Variants in RBFOX1 observed in about 807,000 individuals in gnomAD.
RBFOX1 encodes RNA binding fox-1 homolog 1, also known as RNA binding protein fox-1 homolog 1.
In RBFOX1, 8 loss-of-function variants were observed where a neutral mutation model predicts 57.7. The observed-to-expected ratio is 0.14, with a 90% CI of 0.08 to 0.25. The LOEUF is 0.25. RBFOX1 is among the 10% of genes least tolerant of loss of function. The pLI is 1.00. For missense variants in RBFOX1, 611 were observed against 548.5 expected, an observed-to-expected ratio of 1.11 and a Z score of -1.14; for synonymous variants, 326 against 222.4, an observed-to-expected ratio of 1.47 and a Z score of -4.15.
chr16:6,118,179 A>G (rs532981898), intron 1 of RBFOX1, among the ~76,000 whole-genome samples: 1 of 152,278 alleles, frequency 6.6e-6, no homozygotes, highest in African/African-American at 2.4e-5. Flanking sequence ...TAACTGAAAT[A>G]TATACTTCAT....
chr16:5,332,604 A>G (rs2151277229), intron 1 of RBFOX1, among the ~76,000 whole-genome samples: 1 of 145,428 alleles, frequency 6.9e-6, no homozygotes, highest in South Asian at 2.1e-4. Flanking sequence ...TAAGATTCAA[A>G]TAAATATATA....
intron 3 of RBFOX1, among the ~76,000 whole-genome samples, chr16:6,672,382 A>G (rs188153299): frequency 1.3e-5 from 2 of 151,364 alleles, no homozygotes; most frequent in East Asian, 1.9e-4. Flanking sequence ...AGAAAGAGAG[A>G]GAGAAGGAGA....
intron 2 of RBFOX1, among the ~76,000 whole-genome samples, chr16:6,474,457 C>A (rs1000695651): frequency 6.6e-6 from 1 of 152,160 alleles, no homozygotes; most frequent in Admixed American, 6.5e-5. Flanking sequence ...AGCTGTTGTT[C>A]AGGTAATTTA....
intron 2 of RBFOX1, among the ~76,000 whole-genome samples, chr16:6,572,657 A>G (rs750537218): frequency 1.4e-4 from 21 of 151,804 alleles, no homozygotes; most frequent in African/African-American, 3.6e-4. Flanking sequence ...CAGTGTCACT[A>G]TCTCAGCTCA....
intron 4 of RBFOX1, among the ~76,000 whole-genome samples, chr16:5,999,072 G>A (rs2060541101): frequency 6.6e-6 from 1 of 152,194 alleles, no homozygotes. Context: ...CAAGGAGCAT[G>A]ACAGAGTTGT....
chr16:6,967,158 C>G (rs1208425061), intron 3 of RBFOX1, among the ~76,000 whole-genome samples: 1 of 152,040 alleles, frequency 6.6e-6, no homozygotes, highest in Non-Finnish European at 1.5e-5. Context: ...ATCATCTATC[C>G]ATGTGTTTGT....
intron 4 of RBFOX1, among the ~76,000 whole-genome samples, chr16:5,879,694 A>G (rs1305468617): frequency 6.6e-6 from 1 of 152,206 alleles, no homozygotes; most frequent in African/African-American, 2.4e-5. Context: ...CAAGTTAACC[A>G]TGAAATCTCA....
chr16:6,821,301 C>G (rs2091257235), intron 3 of RBFOX1, among the ~76,000 whole-genome samples: 1 of 152,178 alleles, frequency 6.6e-6, no homozygotes, highest in Admixed American at 6.5e-5. Context: ...TCCTCTCTTC[C>G]CTATTACTAA....
intron 5 of RBFOX1, among the ~76,000 whole-genome samples, chr16:7,554,046 C>T (rs1040370161): frequency 2.6e-5 from 4 of 152,110 alleles, no homozygotes; most frequent in African/African-American, 7.2e-5. Context: ...GAGGTCGAGG[C>T]TGCAGCGAAC....
chr16:6,071,490 A>G (rs1032332633), intron 1 of RBFOX1, among the ~76,000 whole-genome samples: 2 of 152,166 alleles, frequency 1.3e-5, no homozygotes, highest in African/African-American at 4.8e-5. Context: ...GAGTTTACCG[A>G]TATAACAAAC....
intron 3 of RBFOX1, chr16:5,867,220 A>C (rs191028778): frequency 3.2e-4 from 298 of 944,030 alleles, no homozygotes; most frequent in Admixed American, 1.6e-3. Flanking sequence ...CAAATTATTG[A>C]TGCCAGTTCC....
intron 4 of RBFOX1, among the ~76,000 whole-genome samples, chr16:7,174,256 C>T (rs1015670146): frequency 1.3e-5 from 2 of 151,854 alleles, no homozygotes; most frequent in Non-Finnish European, 2.9e-5. Flanking sequence ...TACTTTGTTT[C>T]TTTATTATTG....
intron 4 of RBFOX1, among the ~76,000 whole-genome samples, chr16:5,918,063 G>A (rs1031881762): frequency 6.6e-6 from 1 of 152,122 alleles, no homozygotes; most frequent in Non-Finnish European, 1.5e-5. Flanking sequence ...CATGTCCCAA[G>A]CACTCAGTCA....
intron 4 of RBFOX1, among the ~76,000 whole-genome samples, chr16:7,179,983 T>C (rs1378531823): frequency 6.6e-6 from 1 of 152,048 alleles, no homozygotes; most frequent in Non-Finnish European, 1.5e-5. Flanking sequence ...CCTCAAGTGA[T>C]CTGCCCGCCT....
At chr16:6,233,367 C>G (rs898201662) in intron 1 of RBFOX1, among the ~76,000 whole-genome samples, 1 of 152,086 alleles carries the variant, frequency 6.6e-6, no homozygotes, top group African/African-American at 2.4e-5. Context: ...AAACCACCAT[C>G]TCCCCCGGGT....
intron 2 of RBFOX1, among the ~76,000 whole-genome samples, chr16:5,470,420 A>G (rs1234624653): frequency 1.3e-5 from 2 of 152,152 alleles, no homozygotes; most frequent in Non-Finnish European, 2.9e-5. Context: ...TTTCTGGGTC[A>G]TTTGATTGCG....
chr16:7,122,631 A>G (rs1401771223), intron 4 of RBFOX1, among the ~76,000 whole-genome samples: 1 of 152,160 alleles, frequency 6.6e-6, no homozygotes, highest in African/African-American at 2.4e-5. Flanking sequence ...GGAACATAGA[A>G]CAATGCAGAC....
At chr16:5,708,221 A>C (rs1403410086) in intron 3 of RBFOX1, among the ~76,000 whole-genome samples, 1 of 152,170 alleles carries the variant, frequency 6.6e-6, no homozygotes, top group Non-Finnish European at 1.5e-5. Context: ...CATTCAGTTC[A>C]AGTAATTCTT....
chr16:7,311,530 G>T lies in RBFOX1; in HGVS notation c.28-206617G>T, dbSNP rs1489122638. Among the ~76,000 whole-genome samples, 13 of 118,964 alleles carry T rather than the reference G, an allele frequency of 1.1e-4. No individual in the cohort carries two copies. In the Admixed American group the frequency reaches 1.3e-3, roughly 11 times the overall value. 78.0% of individuals were successfully genotyped at this position (118,964 alleles called of 152,430 possible). On this transcript the variant is annotated intron_variant, in intron 4 of 15. Transcript: ENST00000550418. ...ATGTTTGCTCAGGATTCGCCTCAAT[G>T]ACTAGATTCCCCTTATCAAAAACAG...
Sources: gnomAD v4.1 joint callset for allele counts (sites outside exome capture counted in the v4.1 genomes callset) on GRCh38, gnomAD v4.1.1 for gene constraint, MANE v1.5 for transcripts, NCBI Gene and HGNC (gene_info 2026-07-23, HGNC 2026-07-21) for gene names.